HAS1: variants seen among roughly 807,000 people sequenced by gnomAD.
HAS1 encodes the protein HA synthase 1.
Under a neutral mutation model 35.0 loss-of-function variants are expected in HAS1, and 27 were observed. The ratio of observed to expected loss-of-function variants is 0.77; its 90% confidence interval spans 0.57 to 1.06. HAS1 has a LOEUF of 1.06. Among genes scored for constraint, HAS1 ranks in the 50% least tolerant of loss-of-function variants. The pLI, the probability that HAS1 is intolerant of heterozygous loss-of-function variation, is 0.00. For synonymous variants in HAS1, 409 were observed against 371.2 expected, an observed-to-expected ratio of 1.10 and a Z score of -1.17; for missense variants, 940 against 814.8, an observed-to-expected ratio of 1.15 and a Z score of -1.87.
Position 51,719,302 on chromosome 19 carries a change from A to C in HAS1, c.603T>G (p.Thr201=). The C allele has an allele frequency of 6.2e-7, 1 of 1,612,524 alleles. No homozygotes were observed. Among genetic ancestry groups the C allele is most frequent in the Non-Finnish European group, 8.5e-7 (1 of 1,179,466 alleles). ...GRLAVEALVR[T]RRCVCVAQRW... Reference sequence around the variant, plus strand: ...GCTGCGCCACGCACACGCACCTGCGAGTCCTCACCAGCGCCTCCACTGCCA... The same window carrying C: ...GCTGCGCCACGCACACGCACCTGCGCGTCCTCACCAGCGCCTCCACTGCCA... Residue 201 remains threonine (T), a synonymous_variant, in exon 2 of 5, where the codon ACT becomes ACG. Transcript: ENST00000540069.
Position 51,713,384 on chromosome 19 carries a change from G to A in HAS1, c.*43C>T, listed in dbSNP as rs2083553431. ...CTCGGGGCCCAGCAGCTCTCCTCTG[G>A]CCTCCCCTGAAGACCCTTGAGGCGG... On this transcript the variant is annotated 3_prime_UTR_variant, in exon 5 of 5. Transcript: ENST00000540069. The surrounding 1 kb of genome is among the most constrained non-coding windows in gnomAD (Gnocchi z 4.5). 2.1e-6 allele frequency: 3 copies of A among 1,439,458 alleles called. No homozygotes were observed. The highest frequency in any genetic ancestry group is 2.7e-6 in the Non-Finnish European group (3 of 1,094,892). 89.2% of individuals were successfully genotyped at this position (1,439,458 alleles called of 1,614,324 possible). A position where few individuals can be genotyped will look rare whatever the true frequency, so the allele number is the denominator to read the frequency against.
rs781347925 is a variant in HAS1, at chr19:51,716,255, C to T, written c.1058+1G>A. On this transcript the variant is annotated splice_donor_variant, in intron 4 of 4. Transcript: ENST00000540069. LOFTEE classifies it high-confidence loss of function. ...CCGACCACCTGGTCCCCTCAGCTTA[C>T]TTGGTAGCATAACCCATGCTGAGCA... is the stretch of plus-strand genomic sequence containing the variant. 7 of 1,612,912 alleles carry T rather than the reference C, an allele frequency of 4.3e-6. No homozygotes were observed. Among genetic ancestry groups the T allele is most frequent in the Non-Finnish European group, 5.1e-6 (6 of 1,179,308 alleles).
At chr19:51,718,186 G>C (rs368276641) in intron 2 of HAS1, 6 of 151,804 alleles carry the variant, frequency 4.0e-5, no homozygotes, top group Non-Finnish European at 8.8e-5. Context: ...GCAGTGAGCC[G>C]AGATTCAACC....
intron 2 of HAS1, among the ~76,000 whole-genome samples, chr19:51,718,955 T>C (rs1455060982): frequency 6.6e-6 from 1 of 151,956 alleles, no homozygotes; most frequent in Non-Finnish European, 1.5e-5. Flanking sequence ...CGTAGGTGAA[T>C]GAAAAAAGGA....
In HAS1 at chr19:51,719,701, C is replaced by A; in HGVS notation, c.204G>T (p.Ala68=). The change falls in exon 2 of 5, where the codon GCG becomes GCT. Residue 68 remains alanine, a synonymous_variant. Transcript: ENST00000540069. The stretch of plus-strand genomic sequence containing the variant: ...GCTCCAGGTACGCGAAGAGGCTCTG[C>A]GCCACCAGGTGCGCTGAAAGGAAGG... ...YGAFLSAHLV[A]QSLFAYLEHR... 6.4e-7 allele frequency: 1 copy of A among 1,563,304 alleles called. No homozygotes were observed. The highest frequency in any genetic ancestry group is 8.6e-7 in the Non-Finnish European group (1 of 1,159,856).
At chr19:51,716,909 G>A (rs1239985947) in intron 3 of HAS1, 59 bp downstream of exon 3, 24 of 1,164,106 alleles carry the variant, frequency 2.1e-5, no homozygotes, top group Non-Finnish European at 2.6e-5. Flanking sequence ...AGCCCCATCC[G>A]GCTTCCCTTC....
intron 1 of HAS1, among the ~76,000 whole-genome samples, chr19:51,721,822 C>T (rs969043982): frequency 1.3e-5 from 2 of 152,146 alleles, no homozygotes; most frequent in Admixed American, 6.5e-5. Flanking sequence ...AAGTTGGTCT[C>T]GAACTCCCAG....
At chr19:51,714,724 A>G (rs2083575348) in intron 4 of HAS1, among the ~76,000 whole-genome samples, 1 of 141,006 alleles carries the variant, frequency 7.1e-6, no homozygotes, top group Non-Finnish European at 1.5e-5. Context: ...CTCATAAGAC[A>G]AGGATACTGT....
Position 51,713,172 on chromosome 19 carries a change from G to T in HAS1, c.*255C>A. The T allele has an allele frequency of 2.5e-6, 1 of 400,810 alleles. No homozygotes were observed. Among genetic ancestry groups the T allele is most frequent in the Non-Finnish European group, 4.3e-6 (1 of 232,468 alleles). 24.8% of individuals were successfully genotyped at this position (400,810 alleles called of 1,614,324 possible). A position where few individuals can be genotyped will look rare whatever the true frequency, so the allele number is the denominator to read the frequency against. On this transcript the variant is annotated 3_prime_UTR_variant, in exon 5 of 5. Transcript: ENST00000540069. This position sits in a 1 kb window ranked among gnomAD's most constrained non-coding sequence, Gnocchi z 4.5. ...CACAGTAGAAATGGAGATTAAATAA[G>T]AACGAGGAGAAAGCAGGACCCTTTC... is the stretch of plus-strand genomic sequence containing the variant.
In HAS1 at chr19:51,723,944, C is replaced by T. The variant is rs1211726252; in HGVS notation, c.-11G>A. 23 of 1,532,042 alleles carry T rather than the reference C, an allele frequency of 1.5e-5. No homozygotes were observed. Among genetic ancestry groups the T allele is most frequent in the Non-Finnish European group, 1.9e-5 (22 of 1,143,496 alleles). 94.9% of individuals were successfully genotyped at this position (1,532,042 alleles called of 1,614,324 possible). The stretch of plus-strand genomic sequence containing the variant: ...ACACACCTGTCTCATCGCAGTGGGT[C>T]TGGCCGGGCTCTCTCTTCTCTCCGG... On this transcript the variant is annotated 5_prime_UTR_variant, in exon 1 of 5. Coordinates refer to ENST00000540069, the MANE Select transcript of HAS1 (RefSeq NM_001297436.2).
chr19:51,714,942 T>A (rs1275933200), intron 4 of HAS1, among the ~76,000 whole-genome samples: 1 of 152,090 alleles, frequency 6.6e-6, no homozygotes, highest in Non-Finnish European at 1.5e-5. Flanking sequence ...TGGCAGGCCC[T>A]ATAGGGAGGA....
At position 51,713,449 on chromosome 19, in the gene HAS1, C is replaced by A. The variant is rs560949858; in HGVS notation, c.1712G>T (p.Gly571Val). 1.9e-6 allele frequency: 3 copies of A among 1,542,136 alleles called. No individual in the cohort carries two copies. Among genetic ancestry groups the A allele is most frequent in the African/African-American group, 2.8e-5 (2 of 72,684 alleles). Residue 571 changes from glycine (G) to valine (V), a missense_variant, in exon 5 of 5, where the codon GGG (glycine) becomes GTG (valine). Transcript: ENST00000540069. The surrounding 1 kb of genome is among the most constrained non-coding windows in gnomAD (Gnocchi z 4.5). ...GACTCACACCTGGACGCGGTAGCCC[C>A]CGGTCCGCCGCCGGCAAAGCCTCCG... ...GVRRLCRRRT[G>V]GYRVQV
At position 51,713,439 on chromosome 19, in the gene HAS1, G is replaced by C. The variant is rs2083554105; in HGVS notation, c.1722C>G (p.Arg574=). The change falls in exon 5 of 5, where the codon CGC becomes CGG. Residue 574 remains arginine (R), a synonymous_variant. Transcript: ENST00000540069. This position sits in a 1 kb window ranked among gnomAD's most constrained non-coding sequence, Gnocchi z 4.5. ...RLCRRRTGGY[R]VQV is the part of the protein sequence containing the mutation. Reference sequence around the variant, plus strand: ...CGCGTGGCTGGACTCACACCTGGACGCGGTAGCCCCCGGTCCGCCGCCGGC... The same window carrying C: ...CGCGTGGCTGGACTCACACCTGGACCCGGTAGCCCCCGGTCCGCCGCCGGC... The C allele has an allele frequency of 1.0e-5, 16 of 1,530,372 alleles. No homozygotes were observed. The highest frequency in any genetic ancestry group is 1.4e-5 in the African/African-American group (1 of 72,220). The allele number at this position is 1,530,372 out of a possible 1,614,324, so 94.8% of individuals were successfully genotyped here.
intron 4 of HAS1, among the ~76,000 whole-genome samples, chr19:51,714,370 C>CTAAA (rs112842145): frequency 0.041 from 5,870 of 144,046 alleles, 212 homozygotes; most frequent in Middle Eastern, 0.074. Flanking sequence ...CCCATCTCTA[C>CTAAA]TAAATAAATA....
chr19:51,719,320 C>A lies in HAS1; in HGVS notation c.585G>T (p.Val195=). Reference sequence around the variant, plus strand: ...ACCTGCGAGTCCTCACCAGCGCCTCCACTGCCAGCCGCCCAGGATCCTCCG... The same window carrying A: ...ACCTGCGAGTCCTCACCAGCGCCTCAACTGCCAGCCGCCCAGGATCCTCCG... ...VEAEDPGRLA[V]EALVRTRRCV... The change falls in exon 2 of 5, where the codon GTG becomes GTT. Residue 195 remains valine (V), a synonymous_variant. Coordinates refer to ENST00000540069, the MANE Select transcript of HAS1 (RefSeq NM_001297436.2). The A allele has an allele frequency of 6.2e-7, 1 of 1,612,626 alleles. No individual in the cohort carries two copies.
intron 1 of HAS1, 51 bp from the exon 2 acceptor site, chr19:51,719,946 G>C: frequency 8.2e-7 from 1 of 1,222,894 alleles, no homozygotes; most frequent in Non-Finnish European, 1.1e-6. Flanking sequence ...GGGCGCATGA[G>C]CCTCCTCCGA....
rs1467563294 is a variant in HAS1, at chr19:51,713,622, A to AAGC, written c.1536_1538dup (p.Leu513dup). 1 of 1,560,788 alleles carries AAGC rather than the reference A, an allele frequency of 6.4e-7. No homozygotes were observed. Among genetic ancestry groups the AAGC allele is most frequent in the Admixed American group, 1.9e-5 (1 of 52,392 alleles). ...GTGCTACGCTGCGGACCAGGCCCCC[A>AAGC]AGCAGCAGCAGCGCCCAGAGCGCCA... On this transcript the variant is annotated inframe_insertion, in exon 5 of 5. Coordinates refer to ENST00000540069, the MANE Select transcript of HAS1 (RefSeq NM_001297436.2). The surrounding 1 kb of genome is among the most constrained non-coding windows in gnomAD (Gnocchi z 4.5).
intron 1 of HAS1, 58 bp from the exon 2 acceptor site, chr19:51,719,953 C>A (rs1348713294): frequency 1.8e-6 from 2 of 1,125,964 alleles, no homozygotes; most frequent in Non-Finnish European, 1.2e-6. Context: ...TGAGCCTCCT[C>A]CGAGAGAAGA....
In HAS1 at chr19:51,719,238, T is replaced by G; in HGVS notation, c.667A>C (p.Lys223Gln). 6.3e-7 allele frequency: 1 copy of G among 1,589,642 alleles called. No homozygotes were observed. The highest frequency in any genetic ancestry group is 8.6e-7 in the Non-Finnish European group (1 of 1,167,702). Reference protein sequence around the residue: ...GKREVMYTAFKALGDSVDYVQ... With the variant: ...GKREVMYTAFQALGDSVDYVQ... ...TAGTCCACCGAATCTCCGAGCGCCT[T>G]GAAGGCTGTGTACATGACCTCGCGC... is the stretch of plus-strand genomic sequence containing the variant. Residue 223 changes from lysine (K) to glutamine (Q), a missense_variant, in exon 2 of 5, where the codon AAG (lysine) becomes CAG (glutamine). Physicochemically the swap from Lys to Gln is moderately conservative, Grantham distance 53 (BLOSUM62 1). Transcript: ENST00000540069.
Sources: gnomAD v4.1 joint callset for allele counts (sites outside exome capture counted in the v4.1 genomes callset) on GRCh38, gnomAD v4.1.1 for gene constraint, Gnocchi (gnomAD v3.1) non-coding constraint, MANE v1.5 for transcripts, NCBI Gene and HGNC (gene_info 2026-07-23, HGNC 2026-07-21) for gene names.